Variants in PHKB observed in about 807,000 individuals in gnomAD.
The protein encoded by PHKB is phosphorylase kinase regulatory subunit beta.
PHKB carries 122 observed loss-of-function variants against 152.1 expected under a neutral mutation model. The ratio of observed to expected loss-of-function variants is 0.80; its 90% confidence interval spans 0.69 to 0.93. The LOEUF (loss-of-function observed/expected upper bound fraction) is 0.93, where lower values mean the gene tolerates loss of function less well. Ranked by LOEUF, PHKB falls within the 40% of genes least tolerant of loss-of-function variation. The probability of loss-of-function intolerance (pLI) is 0.00; values close to 1 mark genes in which losing one functional copy is unlikely to be tolerated. For missense variants in PHKB, 1,304 were observed against 1,328.4 expected (o/e 0.98, Z 0.29); for synonymous variants, 436 against 464.9 (o/e 0.94, Z 0.80).
chr16:47,550,189 T>TC (rs1193856047), intron 7 of PHKB, among the ~76,000 whole-genome samples: 1 of 152,174 alleles, frequency 6.6e-6, no homozygotes, highest in Non-Finnish European at 1.5e-5. Flanking sequence ...AGAGTTGAAC[T>TC]CCATGTGCTC....
intron 26 of PHKB, among the ~76,000 whole-genome samples, chr16:47,678,465 A>G (rs1973779144): frequency 6.6e-6 from 1 of 152,048 alleles, no homozygotes; most frequent in African/African-American, 2.4e-5. Flanking sequence ...CGCCATTCTA[A>G]CTGGTGTGAG....
chr16:47,591,856 A>G (rs1372945433), intron 10 of PHKB, among the ~76,000 whole-genome samples: 1 of 152,036 alleles, frequency 6.6e-6, no homozygotes, highest in African/African-American at 2.4e-5. Flanking sequence ...ACCTTTGTCA[A>G]TCACCAAGGC....
At chr16:47,629,724 C>A (rs910764800) in intron 14 of PHKB, among the ~76,000 whole-genome samples, 2 of 152,160 alleles carry the variant, frequency 1.3e-5, no homozygotes, top group African/African-American at 4.8e-5. Flanking sequence ...CATATGCACA[C>A]GTATGTTTAT....
At chr16:47,536,566 G>A (rs1173419758) in intron 6 of PHKB, among the ~76,000 whole-genome samples, 4 of 152,138 alleles carry the variant, frequency 2.6e-5, no homozygotes, top group Non-Finnish European at 5.9e-5. Flanking sequence ...AAGTAATACT[G>A]TTTTGATACC....
chr16:47,527,317 GTAA>G (rs1295929023), intron 6 of PHKB, among the ~76,000 whole-genome samples: 1 of 152,078 alleles, frequency 6.6e-6, no homozygotes, highest in African/African-American at 2.4e-5. Flanking sequence ...AAGGAAGAAA[GTAA>G]TAAAGATAAA....
chr16:47,687,863 T>G (rs1452599566), intron 26 of PHKB, among the ~76,000 whole-genome samples: 3 of 152,234 alleles, frequency 2.0e-5, no homozygotes, highest in African/African-American at 7.2e-5. Context: ...GCTTATGGCC[T>G]GGCCCATCAG....
chr16:47,699,366 G>A lies in PHKB; in HGVS notation c.3282G>A (p.Ter1094=), dbSNP rs958133614. Reference sequence around the variant, plus strand: ...ATGATGACCCGTGTCTGATTAGCTAGTGGGGAAGGTGTAGGAAGCTCTGTT... The same window carrying A: ...ATGATGACCCGTGTCTGATTAGCTAATGGGGAAGGTGTAGGAAGCTCTGTT... The part of the protein sequence containing the change: ...PNNDDPCLIS[*] The change falls in exon 31 of 31, where the codon TAG becomes TAA. Residue 1094 remains the stop codon, a stop_retained_variant. Transcript: ENST00000323584. 1.2e-6 allele frequency: 2 copies of A among 1,614,170 alleles called. No individual in the cohort carries two copies. Among genetic ancestry groups the A allele is most frequent in the Non-Finnish European group, 1.7e-6 (2 of 1,179,984 alleles).
intron 1 of PHKB, among the ~76,000 whole-genome samples, chr16:47,466,108 G>A (rs1309926486): frequency 1.3e-5 from 2 of 152,088 alleles, no homozygotes; most frequent in East Asian, 1.9e-4. Flanking sequence ...TGTGAATCCT[G>A]TATTTCTGTG....
intron 1 of PHKB, 40 bp downstream of exon 1, chr16:47,461,466 T>C (rs1406294580): frequency 1.3e-6 from 2 of 1,599,052 alleles, no homozygotes; most frequent in South Asian, 1.1e-5. Flanking sequence ...CCGAGTACCT[T>C]GGGTGGTGCT....
chr16:47,544,985 G>A (rs549292351), intron 6 of PHKB, among the ~76,000 whole-genome samples: 8 of 152,118 alleles, frequency 5.3e-5, no homozygotes, highest in South Asian at 2.1e-4. Flanking sequence ...GCCTATGTGC[G>A]TCTCTGCATG....
In PHKB at chr16:47,693,252, T is replaced by C. The variant is rs1174449543; in HGVS notation, c.2766-126T>C. 4 of 856,098 alleles carry C rather than the reference T, an allele frequency of 4.7e-6. No individual in the cohort carries two copies. The African/African-American group carries it at 6.6e-5, about 14-fold the overall frequency. The allele number at this position is 856,098 out of a possible 1,614,324, so 53.0% of individuals were successfully genotyped here. A position where few individuals can be genotyped will look rare whatever the true frequency, so the allele number is the denominator to read the frequency against. ...CTAGCCTCTGTAACACACGGAGATA[T>C]GCATCATTGATGGGCTTTGGCTTTT... is the stretch of plus-strand genomic sequence containing the variant. On this transcript the variant is annotated intron_variant, in intron 27 of 30. Transcript: ENST00000323584.
Position 47,669,283 on chromosome 16 carries a change from AAAC to A in PHKB, c.2498_2500del (p.Asn833del). ...ATCCTTTGTCTCCAAGAGTGATTCA[AAAC>A]ATCATCTATTATAAGTGTAACACCC... is the stretch of plus-strand genomic sequence containing the variant. On this transcript the variant is annotated inframe_deletion, in exon 26 of 31. Coordinates refer to ENST00000323584, the MANE Select transcript of PHKB (RefSeq NM_000293.3). 1 of 1,614,146 alleles carries A rather than the reference AAAC, an allele frequency of 6.2e-7. No homozygotes were observed.
At chr16:47,688,982 A>T in intron 26 of PHKB, 59 bp from the exon 27 acceptor site, 1 of 1,589,492 alleles carries the variant, frequency 6.3e-7, no homozygotes, top group South Asian at 1.1e-5. Context: ...TGCTGAGAGA[A>T]GCAGAAGGTG....
intron 1 of PHKB, among the ~76,000 whole-genome samples, chr16:47,473,487 TTTTA>T (rs1969816394): frequency 6.6e-6 from 1 of 152,072 alleles, no homozygotes; most frequent in Non-Finnish European, 1.5e-5. Flanking sequence ...TGTTGCTGTT[TTTTA>T]TTTTATTATT....
In PHKB at chr16:47,582,254, G is replaced by A. The variant is rs138268680; in HGVS notation, c.774+1896G>A. Among the ~76,000 whole-genome samples, 204 of 152,244 alleles carry A rather than the reference G, an allele frequency of 1.3e-3. 1 individual carries two copies. Among genetic ancestry groups the A allele is most frequent in the African/African-American group, 4.6e-3 (193 of 41,544 alleles). ...TTGCAATAGTGTCATCTCCTTTGAAGTACCTGAGTCTTAGTGTATGTTGCT... is the reference window on the plus strand; with the variant it reads ...TTGCAATAGTGTCATCTCCTTTGAAATACCTGAGTCTTAGTGTATGTTGCT... On this transcript the variant is annotated intron_variant, in intron 8 of 30. Coordinates refer to ENST00000323584, the MANE Select transcript of PHKB (RefSeq NM_000293.3).
chr16:47,484,463 A>G (rs1001965419), intron 1 of PHKB, among the ~76,000 whole-genome samples: 9 of 152,244 alleles, frequency 5.9e-5, no homozygotes, highest in Admixed American at 2.0e-4. Flanking sequence ...GAGTTGTTAA[A>G]TAAAAGTATG....
intron 14 of PHKB, among the ~76,000 whole-genome samples, chr16:47,632,915 T>A (rs1972851999): frequency 6.6e-6 from 1 of 152,208 alleles, no homozygotes; most frequent in Non-Finnish European, 1.5e-5. Context: ...ACCGTAGTTT[T>A]AAATTTTTAG....
At chr16:47,661,496 C>G (rs1333025442) in intron 22 of PHKB, among the ~76,000 whole-genome samples, 1 of 152,210 alleles carries the variant, frequency 6.6e-6, no homozygotes. Flanking sequence ...AGGAAGCCAG[C>G]TTGTCACTTG....
At chr16:47,583,804 G>A (rs1421917218) in intron 8 of PHKB, among the ~76,000 whole-genome samples, 1 of 152,048 alleles carries the variant, frequency 6.6e-6, no homozygotes, top group Non-Finnish European at 1.5e-5. Flanking sequence ...TTAGAATTGG[G>A]AGCTGTGCAT....
Sources: allele counts gnomAD v4.1 joint callset (sites outside exome capture counted in the v4.1 genomes callset), GRCh38; gene constraint gnomAD v4.1.1; transcripts MANE v1.5; gene names NCBI Gene and HGNC (gene_info 2026-07-23, HGNC 2026-07-21).